The following DNMT3A variants were observed in gnomAD, a reference collection of about 807,000 sequenced individuals.
DNMT3A encodes DNA methyltransferase 3 alpha, also known as DNA (cytosine-5)-methyltransferase 3A.
In DNMT3A, 267 loss-of-function variants were observed where a neutral mutation model predicts 117.6. The observed-to-expected ratio is 2.27, with a 90% CI of 2.05 to 2.51. The LOEUF (loss-of-function observed/expected upper bound fraction) is 2.51, where lower values mean the gene tolerates loss of function less well. Ranked by LOEUF, DNMT3A falls within the 30% of genes most tolerant of loss-of-function variation. DNMT3A has a pLI of 0.00. For synonymous variants in DNMT3A, 432 were observed against 474.8 expected, an observed-to-expected ratio of 0.91 and a Z score of 1.17; for missense variants, 1,029 against 1,260.2, an observed-to-expected ratio of 0.82 and a Z score of 2.78.
At chr2:25,331,155 G>A (rs141691675) in intron 1 of DNMT3A, among the ~76,000 whole-genome samples, 130 of 152,346 alleles carry the variant, frequency 8.5e-4, no homozygotes, top group African/African-American at 2.8e-3. Flanking sequence ...AAGGTTGAGT[G>A]ATCTTCCAAT....
At chr2:25,271,278 C>G (rs116471996) in intron 6 of DNMT3A, among the ~76,000 whole-genome samples, 1 of 151,900 alleles carries the variant, frequency 6.6e-6, no homozygotes. Context: ...ACCCAGGAGG[C>G]GGAGGCTGCA....
intron 1 of DNMT3A, among the ~76,000 whole-genome samples, chr2:25,316,494 A>G (rs181729243): frequency 2.5e-4 from 38 of 152,318 alleles, no homozygotes; most frequent in African/African-American, 8.9e-4. Context: ...AATCGTGTCC[A>G]TCACCTAAAA....
intron 6 of DNMT3A, among the ~76,000 whole-genome samples, chr2:25,265,061 C>T (rs1014302795): frequency 6.6e-6 from 1 of 152,206 alleles, no homozygotes; most frequent in African/African-American, 2.4e-5. Context: ...GACGAGAAAC[C>T]AGGCCTCCCA....
At chr2:25,244,077 A>G in intron 15 of DNMT3A, 78 bp downstream of exon 15, 1 of 1,597,322 alleles carries the variant, frequency 6.3e-7, no homozygotes, top group Non-Finnish European at 8.5e-7. Flanking sequence ...AGACCCACAC[A>G]CCCTGCGCAC....
chr2:25,235,873 C>G, intron 21 of DNMT3A, 48 bp from the exon 22 acceptor site: 1 of 1,503,994 alleles, frequency 6.6e-7, no homozygotes, highest in Non-Finnish European at 9.3e-7. Flanking sequence ...CATTCACCAG[C>G]CAACACTGGT....
At chr2:25,290,263 C>T (rs894606910) in intron 3 of DNMT3A, among the ~76,000 whole-genome samples, 1 of 152,078 alleles carries the variant, frequency 6.6e-6, no homozygotes, top group East Asian at 1.9e-4. Flanking sequence ...TCTCAGCCTC[C>T]CAAGGAGCTG....
At chr2:25,320,387 G>C (rs2034545103) in intron 1 of DNMT3A, among the ~76,000 whole-genome samples, 1 of 152,180 alleles carries the variant, frequency 6.6e-6, no homozygotes, top group African/African-American at 2.4e-5. Context: ...ACAAAGAAGT[G>C]ATAAATGCTG....
intron 1 of DNMT3A, among the ~76,000 whole-genome samples, chr2:25,331,034 G>A (rs570930698): frequency 6.6e-6 from 1 of 152,334 alleles, no homozygotes; most frequent in Middle Eastern, 3.4e-3. Context: ...GCAGAAGCGA[G>A]GGAGGGAAGG....
At position 25,252,756 on chromosome 2, in the gene DNMT3A, TCTGAAGCACAACCAAAAAAAAAAA is replaced by T. The variant is rs2149328289; in HGVS notation, c.640-4528_640-4505del. On this transcript the variant is annotated intron_variant, in intron 6 of 22. Transcript: ENST00000321117. The surrounding 1 kb of genome is among the most constrained non-coding windows in gnomAD (Gnocchi z 5.5). ...GAGAAAGTTGTGAAAAGTGAGTTTC[TCTGAAGCACAACCAAAAAAAAAAA>T]AAGAAAAAGCTTACAGATAGGAGGC... Among the ~76,000 whole-genome samples the T allele has an allele frequency of 6.6e-6, 1 of 151,144 alleles. No homozygotes were observed. Among genetic ancestry groups the T allele is most frequent in the South Asian group, 2.1e-4 (1 of 4,800 alleles).
intron 1 of DNMT3A, 116 bp downstream of exon 1, chr2:25,341,710 G>A (rs2035464558): frequency 1.3e-6 from 1 of 765,940 alleles, no homozygotes; most frequent in Non-Finnish European, 1.6e-6. Context: ...AGTTGCAGGG[G>A]TCCGGGAGCG....
In DNMT3A at chr2:25,277,284, CCA is replaced by C. The variant is rs574237294; in HGVS notation, c.449-1743_449-1742del. Among the ~76,000 whole-genome samples, 297 of 152,308 alleles carry C rather than the reference CCA, an allele frequency of 1.9e-3. 5 individuals are homozygous for C. Among genetic ancestry groups the C allele is most frequent in the Non-Finnish European group, 6.0e-4 (41 of 68,000 alleles). On this transcript the variant is annotated intron_variant, in intron 4 of 22. Coordinates refer to ENST00000321117, the MANE Select transcript of DNMT3A (RefSeq NM_022552.5). ...CCTCTCTCCCACCACAGCCAGCTCC[CCA>C]CTTTTTTCGCGGGGGCCCCCTCCAG...
At chr2:25,319,773 CTTTT>C (rs1351746396) in intron 1 of DNMT3A, among the ~76,000 whole-genome samples, 1 of 144,310 alleles carries the variant, frequency 6.9e-6, no homozygotes. Flanking sequence ...TTCTTTCTTT[CTTTT>C]TTTTTTTTTT....
At position 25,234,839 on chromosome 2, in the gene DNMT3A, T is replaced by A. The variant is rs11695471; in HGVS notation, c.2598-419A>T. Among the ~76,000 whole-genome samples the A allele has an allele frequency of 0.22, 33,505 of 152,038 alleles. 4,618 individuals carry two copies. Among genetic ancestry groups the A allele is most frequent in the Non-Finnish European group, 0.32 (21,934 of 67,958 alleles). ...ATGTAACGAACACGTAGCCCTAGCA[T>A]CCTCCCCATCAAGAGCAGGGAAGGC... On this transcript the variant is annotated intron_variant, in intron 22 of 22. Coordinates refer to ENST00000321117, the MANE Select transcript of DNMT3A (RefSeq NM_022552.5). The surrounding 1 kb of genome is among the most constrained non-coding windows in gnomAD (Gnocchi z 4.5).
rs114614891 is a variant in DNMT3A, at chr2:25,247,471, T to C, written c.1014+120A>G. The C allele has an allele frequency of 3.5e-6, 5 of 1,434,108 alleles. No homozygotes were observed. Among genetic ancestry groups the C allele is most frequent in the Non-Finnish European group, 4.7e-6 (5 of 1,053,634 alleles). 88.8% of individuals were successfully genotyped at this position (1,434,108 alleles called of 1,614,324 possible). On this transcript the variant is annotated intron_variant, in intron 8 of 22. Transcript: ENST00000321117. This position sits in a 1 kb window ranked among gnomAD's most constrained non-coding sequence, Gnocchi z 5.6. ...CTTCTTCCACCCACCACAGGCAGAG[T>C]AGGGGTGAGCAGAACCCACTTCCAT...
At chr2:25,239,612 G>T (rs746423402) in intron 19 of DNMT3A, 253 of 494,682 alleles carry the variant, frequency 5.1e-4, no homozygotes, top group Non-Finnish European at 5.2e-4. Flanking sequence ...TGCTGCTCTA[G>T]ACTACCCAGA....
At position 25,244,279 on chromosome 2, in the gene DNMT3A, A is replaced by T; in HGVS notation, c.1727T>A (p.Ile576Asn). The T allele has an allele frequency of 6.2e-7, 1 of 1,613,266 alleles. No homozygotes were observed. The highest frequency in any genetic ancestry group is 8.5e-7 in the Non-Finnish European group (1 of 1,179,762). The change falls in exon 15 of 23, where the codon ATT becomes AAT. Residue 576 changes from isoleucine (I) to asparagine (N), a missense_variant. Coordinates refer to ENST00000321117, the MANE Select transcript of DNMT3A (RefSeq NM_022552.5). ...LVGPGAAQAAIKEDPWNCYMC... is the reference protein window; with the variant it reads ...LVGPGAAQAANKEDPWNCYMC... ...GTAGCAGTTCCAGGGGTCTTCCTTA[A>T]TGGCTGCCTGGGCAGCCCCCGGCCC...
chr2:25,334,759 C>T lies in DNMT3A; in HGVS notation c.-178+7067G>A, dbSNP rs184164311. On this transcript the variant is annotated intron_variant, in intron 1 of 22. Coordinates refer to ENST00000321117, the MANE Select transcript of DNMT3A (RefSeq NM_022552.5). ...AGAGGCCTTAATATCTGCGATATTTCTCCCTGCAACCTTTCCGGAAAAGAC... is the reference window on the plus strand; with the variant it reads ...AGAGGCCTTAATATCTGCGATATTTTTCCCTGCAACCTTTCCGGAAAAGAC... 3.7e-4 allele frequency among the ~76,000 whole-genome samples: 57 copies of T among 152,356 alleles called. No homozygotes were observed. The East Asian group carries it at 0.011, about 29-fold the overall frequency.
Position 25,306,158 on chromosome 2 carries a change from A to G in DNMT3A, c.73-5915T>C, listed in dbSNP as rs2033770791. ...CCAGGCTCTGCAGAGCTACAGCCAC[A>G]CGCTTGCGTACCCCAATGCCACACA... On this transcript the variant is annotated intron_variant, in intron 2 of 22. Transcript: ENST00000321117. The surrounding 1 kb of genome is among the most constrained non-coding windows in gnomAD (Gnocchi z 4.1). 6.6e-6 allele frequency among the ~76,000 whole-genome samples: 1 copy of G among 152,132 alleles called. No homozygotes were observed. Among genetic ancestry groups the G allele is most frequent in the Non-Finnish European group, 1.5e-5 (1 of 68,018 alleles).
At chr2:25,333,572 C>T (rs2035094363) in intron 1 of DNMT3A, among the ~76,000 whole-genome samples, 2 of 152,124 alleles carry the variant, frequency 1.3e-5, no homozygotes, top group Admixed American at 1.3e-4. Flanking sequence ...CTCAGATGAT[C>T]CACCCGCCTC....
Sources: allele counts gnomAD v4.1 joint callset (sites outside exome capture counted in the v4.1 genomes callset), GRCh38; gene constraint gnomAD v4.1.1; non-coding constraint Gnocchi (gnomAD v3.1); transcripts MANE v1.5; gene names NCBI Gene and HGNC (gene_info 2026-07-23, HGNC 2026-07-21).